HMCN1: variants seen among roughly 807,000 people sequenced by gnomAD.
The protein encoded by HMCN1 is hemicentin 1.
Under a neutral mutation model 625.9 loss-of-function variants are expected in HMCN1, and 321 were observed. The ratio of observed to expected loss-of-function variants is 0.51; its 90% CI spans 0.47 to 0.56. The LOEUF (loss-of-function observed/expected upper bound fraction) is 0.56. Ranked by LOEUF, HMCN1 falls within the 20% of genes least tolerant of loss-of-function variation. HMCN1 has a pLI of 0.00. For missense variants in HMCN1, 6,588 were observed against 6,887.3 expected, an observed-to-expected ratio of 0.96 and a Z score of 1.54; for synonymous variants, 2,425 against 2,417.6, an observed-to-expected ratio of 1.00 and a Z score of -0.09.
At chr1:186,084,181 G>T (rs1659338402) in intron 57 of HMCN1, among the ~76,000 whole-genome samples, 1 of 151,992 alleles carries the variant, frequency 6.6e-6, no homozygotes, top group African/African-American at 2.4e-5. Flanking sequence ...TAACTTTATT[G>T]TAAGTGCTCT....
intron 97 of HMCN1, among the ~76,000 whole-genome samples, chr1:186,154,518 C>A (rs1650870582): frequency 6.6e-6 from 1 of 152,132 alleles, no homozygotes; most frequent in African/African-American, 2.4e-5. Context: ...AGCAAAACTC[C>A]ATCTCCAAGC....
chr1:185,745,696 C>A (rs945085981), intron 1 of HMCN1, among the ~76,000 whole-genome samples: 4 of 152,198 alleles, frequency 2.6e-5, no homozygotes, highest in African/African-American at 9.6e-5. Flanking sequence ...GTGAATTTAT[C>A]AAAGTCTCTC....
At chr1:185,835,686 G>T (rs2102298408) in intron 1 of HMCN1, among the ~76,000 whole-genome samples, 1 of 151,904 alleles carries the variant, frequency 6.6e-6, no homozygotes, top group Non-Finnish European at 1.5e-5. Context: ...TTACACTGAT[G>T]ATCCAGTATT....
intron 46 of HMCN1, among the ~76,000 whole-genome samples, chr1:186,059,785 G>C (rs1181647047): frequency 6.6e-6 from 1 of 151,902 alleles, no homozygotes; most frequent in Non-Finnish European, 1.5e-5. Flanking sequence ...AATTTAATAG[G>C]TACAAGAAAC....
At chr1:185,975,646 TAAATATGTTTA>T (rs772355470) in intron 15 of HMCN1, among the ~76,000 whole-genome samples, 1 of 152,166 alleles carries the variant, frequency 6.6e-6, no homozygotes, top group African/African-American at 2.4e-5. Context: ...TAACTATGTT[TAAATATGTTTA>T]AAATATGTTT....
intron 97 of HMCN1, among the ~76,000 whole-genome samples, chr1:186,158,125 T>C (rs1482055469): frequency 8.7e-5 from 13 of 148,782 alleles, no homozygotes; most frequent in African/African-American, 2.5e-5. Context: ...TTTTTAATGA[T>C]TGCCATTCTA....
At chr1:185,775,635 T>C (rs963545529) in intron 1 of HMCN1, among the ~76,000 whole-genome samples, 2 of 152,174 alleles carry the variant, frequency 1.3e-5, no homozygotes, top group African/African-American at 2.4e-5. Flanking sequence ...AGGAGTCAAA[T>C]AACAGGGTGA....
intron 97 of HMCN1, among the ~76,000 whole-genome samples, chr1:186,160,977 GT>G (rs1457233926): frequency 6.6e-6 from 1 of 152,044 alleles, no homozygotes; most frequent in African/African-American, 2.4e-5. Context: ...GGGTATCCTT[GT>G]TGACTTTCTG....
chr1:186,006,401 G>T (rs1045068849), intron 29 of HMCN1, among the ~76,000 whole-genome samples: 2 of 151,916 alleles, frequency 1.3e-5, no homozygotes, highest in Non-Finnish European at 2.9e-5. Flanking sequence ...GGACTTTAAA[G>T]GTATGAGTCT....
intron 11 of HMCN1, among the ~76,000 whole-genome samples, chr1:185,937,813 G>C (rs568689038): frequency 2.0e-5 from 3 of 151,402 alleles, no homozygotes; most frequent in Non-Finnish European, 4.4e-5. Context: ...CTTGGGAGGC[G>C]GAGGTTGCTG....
chr1:186,151,581 C>T, intron 94 of HMCN1, 25 bp from the exon 95 acceptor site: 6 of 1,604,692 alleles, frequency 3.7e-6, no homozygotes, highest in Non-Finnish European at 5.1e-6. Flanking sequence ...TTGCTATCAC[C>T]TTATTTATCC....
Position 186,067,899 on chromosome 1 carries a change from A to T in HMCN1, c.7771A>T (p.Ser2591Cys). Residue 2591 changes from serine (S) to cysteine (C), a missense_variant, in exon 50 of 107, where the codon AGC (serine) becomes TGC (cysteine). Physicochemically the swap from Ser to Cys is moderately radical, Grantham distance 112 (BLOSUM62 -1). Coordinates refer to ENST00000271588, the MANE Select transcript of HMCN1 (RefSeq NM_031935.3). ...TGAAGATGTCACTGTCATCCTTAACAGCCCTACATCTTTGGTCTGTGAAGC... is the reference window on the plus strand; with the variant it reads ...TGAAGATGTCACTGTCATCCTTAACTGCCCTACATCTTTGGTCTGTGAAGC... ...NPEDVTVILN[S>C]PTSLVCEAYS... 6.2e-7 allele frequency: 1 copy of T among 1,612,948 alleles called. No individual in the cohort carries two copies. Among genetic ancestry groups the T allele is most frequent in the Non-Finnish European group, 8.5e-7 (1 of 1,178,956 alleles).
At chr1:185,779,653 C>A (rs904157547) in intron 1 of HMCN1, among the ~76,000 whole-genome samples, 4 of 152,058 alleles carry the variant, frequency 2.6e-5, no homozygotes, top group Non-Finnish European at 4.4e-5. Flanking sequence ...GATCAGATGG[C>A]TATAGATGTG....
At chr1:185,821,903 A>G (rs1425683384) in intron 1 of HMCN1, among the ~76,000 whole-genome samples, 1 of 151,286 alleles carries the variant, frequency 6.6e-6, no homozygotes, top group African/African-American at 2.4e-5. Flanking sequence ...AAAAAAAAAA[A>G]GCTTTACAAC....
At chr1:185,937,920 ATAG>A (rs1271014923) in intron 11 of HMCN1, among the ~76,000 whole-genome samples, 45 of 145,144 alleles carry the variant, frequency 3.1e-4, no homozygotes, top group Non-Finnish European at 5.3e-4. Context: ...AATAATAATA[ATAG>A]TAATAATAAT....
At chr1:186,077,754 C>G (rs866254361) in intron 54 of HMCN1, among the ~76,000 whole-genome samples, 1 of 152,118 alleles carries the variant, frequency 6.6e-6, no homozygotes. Flanking sequence ...GTACTTGCAG[C>G]AAATGGTGTA....
chr1:186,130,577 T>C lies in HMCN1; in HGVS notation c.13110T>C (p.Asn4370=), dbSNP rs773734151. The change falls in exon 85 of 107, where the codon AAT becomes AAC. Residue 4370 remains asparagine, a synonymous_variant. Coordinates refer to ENST00000271588, the MANE Select transcript of HMCN1 (RefSeq NM_031935.3). The part of the protein sequence containing the change: ...IEPLGGNAIL[N]CEVKGDPTPT... ...CACTTGGTGGGAATGCAATCCTGAA[T>C]TGTGAGGTGAAAGGAGACCCCACCC... The C allele has an allele frequency of 6.2e-7, 1 of 1,613,624 alleles. No homozygotes were observed. Among genetic ancestry groups the C allele is most frequent in the South Asian group, 1.1e-5 (1 of 91,076 alleles).
intron 20 of HMCN1, among the ~76,000 whole-genome samples, chr1:185,987,807 T>G (rs1652102669): frequency 6.6e-6 from 1 of 151,592 alleles, no homozygotes; most frequent in Non-Finnish European, 1.5e-5. Flanking sequence ...AAGCTTACAC[T>G]GCTGCACTTG....
At chr1:185,860,285 A>C (rs771457917) in intron 2 of HMCN1, among the ~76,000 whole-genome samples, 19 of 152,154 alleles carry the variant, frequency 1.2e-4, no homozygotes, top group African/African-American at 4.6e-4. Flanking sequence ...TATGATTACA[A>C]TATAATCTGT....
Sources: allele counts gnomAD v4.1 joint callset (sites outside exome capture counted in the v4.1 genomes callset), GRCh38; gene constraint gnomAD v4.1.1; transcripts MANE v1.5; gene names NCBI Gene and HGNC (gene_info 2026-07-23, HGNC 2026-07-21).